Variants in ZNF205 observed in about 807,000 individuals in gnomAD.
ZNF205 encodes the protein zinc finger protein 205.
A neutral mutation model predicts 53.6 loss-of-function variants in ZNF205; 32 were observed. That is an observed-to-expected ratio of 0.60 (90% CI 0.45 to 0.80). ZNF205 has a LOEUF of 0.80. ZNF205 is among the 30% of genes least tolerant of loss of function. The pLI, the probability that ZNF205 is intolerant of heterozygous loss-of-function variation, is 0.00. For synonymous variants in ZNF205, 382 were observed against 334.3 expected, an observed-to-expected ratio of 1.14 and a Z score of -1.56; for missense variants, 836 against 782.4, an observed-to-expected ratio of 1.07 and a Z score of -0.82.
Position 3,113,477 on chromosome 16 carries a change from C to G in ZNF205, c.47C>G (p.Thr16Arg). 2 of 1,613,538 alleles carry G rather than the reference C, an allele frequency of 1.2e-6. No individual in the cohort carries two copies. Among genetic ancestry groups the G allele is most frequent in the African/African-American group, 1.3e-5 (1 of 74,998 alleles). Residue 16 changes from threonine (T) to arginine (R), a missense_variant, in exon 2 of 7, where the codon ACA (threonine) becomes AGA (arginine). Coordinates refer to ENST00000219091, the MANE Select transcript of ZNF205 (RefSeq NM_001042428.2). ...GGIQDTQDKETPPEVPDRGHP... is the reference protein window; with the variant it reads ...GGIQDTQDKERPPEVPDRGHP... ...ATCCAGGACACCCAGGACAAGGAGACACCCCCGGAGGTACAGATGGGGCTG... is the reference window on the plus strand; with the variant it reads ...ATCCAGGACACCCAGGACAAGGAGAGACCCCCGGAGGTACAGATGGGGCTG...
rs1957333382 is a variant in ZNF205 at position 3,115,605 on chromosome 16, A to G, written c.271+37A>G. ...ACGGGGAAGAGGCGCTTTCCCAGGG[A>G]GGCAGCTGTGGGGAGGTGGAGGTTT... On this transcript the variant is annotated intron_variant, in intron 3 of 6. Transcript: ENST00000219091. 1.9e-6 allele frequency: 3 copies of G among 1,547,834 alleles called. No individual in the cohort carries two copies. The African/African-American group carries it at 4.2e-5, about 22-fold the overall frequency.
chr16:3,118,945 C>A lies in ZNF205; in HGVS notation c.525C>A (p.His175Gln), dbSNP rs1342006642. 1 of 1,613,644 alleles carries A rather than the reference C, an allele frequency of 6.2e-7. No individual in the cohort carries two copies. Among genetic ancestry groups the A allele is most frequent in the East Asian group, 2.2e-5 (1 of 44,872 alleles). ...GGCCTTTCTGGGCCCCTCAAGCGCA[C>A]GGCAAGGGTGAGGCCTCGGGCTCCA... ...FSRPFWAPQA[H>Q]GKGEASGSSR... The change falls in exon 6 of 7, where the codon CAC becomes CAA. Residue 175 changes from histidine to glutamine, a missense_variant. Coordinates refer to ENST00000219091, the MANE Select transcript of ZNF205 (RefSeq NM_001042428.2).
At chr16:3,116,065 G>C in intron 4 of ZNF205, 145 bp downstream of exon 4, 2 of 956,590 alleles carry the variant, frequency 2.1e-6, no homozygotes, top group Non-Finnish European at 3.1e-6. Context: ...AATTGTCCAG[G>C]CTCAAGGCCC....
chr16:3,120,426 G>A lies in ZNF205; in HGVS notation c.*101G>A. The A allele has an allele frequency of 2.3e-6, 3 of 1,320,322 alleles. No homozygotes were observed. In the South Asian group the frequency reaches 4.6e-5, roughly 20 times the overall value. The allele number at this position is 1,320,322 out of a possible 1,614,324, so 81.8% of individuals were successfully genotyped here. On this transcript the variant is annotated 3_prime_UTR_variant, in exon 7 of 7. Coordinates refer to ENST00000219091, the MANE Select transcript of ZNF205 (RefSeq NM_001042428.2). ...GAGAGGGGCTCGGGAAGGGAGCTGG[G>A]GCGGTGAGGGCATGGGGTGAGGCAT...
intron 1 of ZNF205, chr16:3,113,085 T>G: frequency 3.7e-6 from 1 of 273,312 alleles, no homozygotes; most frequent in Non-Finnish European, 7.0e-6. Flanking sequence ...TGACAGGAAA[T>G]AGCGATTCCA....
chr16:3,114,807 C>A (rs1005731464), intron 2 of ZNF205: 1 of 152,356 alleles, frequency 6.6e-6, no homozygotes, highest in Non-Finnish European at 1.5e-5. Context: ...CTTCCAACTC[C>A]TTGGGGGCTC....
Position 3,112,692 on chromosome 16 carries a change from G to C in ZNF205, c.-15+10G>C, listed in dbSNP as rs1957283269. 3.4e-6 allele frequency: 1 copy of C among 291,672 alleles called. No homozygotes were observed. The highest frequency in any genetic ancestry group is 3.1e-5 in the South Asian group (1 of 31,802). The allele number at this position is 291,672 out of a possible 1,614,324, so 18.1% of individuals were successfully genotyped here. On this transcript the variant is annotated intron_variant, in intron 1 of 6. Coordinates refer to ENST00000219091, the MANE Select transcript of ZNF205 (RefSeq NM_001042428.2). The stretch of plus-strand genomic sequence containing the variant: ...CTCTGCCTCCACCCCGGTGAGAAGG[G>C]GGTGCTGGGGAGGGCATCTGGATCC...
In ZNF205 at chr16:3,113,425, T is replaced by C. The variant is rs138454772; in HGVS notation, c.-6T>C. On this transcript the variant is annotated 5_prime_UTR_variant, in exon 2 of 7. Coordinates refer to ENST00000219091, the MANE Select transcript of ZNF205 (RefSeq NM_001042428.2). ...TCAGCTGTTCTTTCTAGCTCTGAAA[T>C]AGAAAATGTCTGCAGACGGCGGAGG... 11 of 1,612,840 alleles carry C rather than the reference T, an allele frequency of 6.8e-6. No homozygotes were observed. In the African/African-American group the frequency reaches 1.2e-4, roughly 18 times the overall value.
chr16:3,116,985 G>A (rs1957354333), intron 5 of ZNF205, among the ~76,000 whole-genome samples: 2 of 152,048 alleles, frequency 1.3e-5, no homozygotes, highest in Admixed American at 1.3e-4. Flanking sequence ...TAGTAGAGAT[G>A]GGGTTTCACC....
rs534003901 is a variant in ZNF205 at position 3,113,551 on chromosome 16, AG to A, written c.57+66del. 1.1e-4 allele frequency: 181 copies of A among 1,578,610 alleles called. 1 individual carries two copies. The South Asian group carries it at 1.8e-3, about 16-fold the overall frequency. ...GAGGCTGGTGCGGAGGAGATTTTCAAGGCACAGAGTCTGGACCCCTGGAAGA... is the reference window on the plus strand; with the variant it reads ...GAGGCTGGTGCGGAGGAGATTTTCAAGCACAGAGTCTGGACCCCTGGAAGA... On this transcript the variant is annotated intron_variant, in intron 2 of 6. Transcript: ENST00000219091.
At chr16:3,113,120 C>T (rs553855400) in intron 1 of ZNF205, among the ~76,000 whole-genome samples, 2 of 152,128 alleles carry the variant, frequency 1.3e-5, no homozygotes, top group Non-Finnish European at 2.9e-5. Flanking sequence ...TTCCCTGAGC[C>T]GGTTACACTG....
intron 5 of ZNF205, 79 bp from the exon 6 acceptor site, chr16:3,118,826 C>T (rs1323329374): frequency 5.6e-6 from 8 of 1,441,020 alleles, no homozygotes; most frequent in Non-Finnish European, 7.6e-6. Context: ...TACTTGGGCC[C>T]ATCAGTTTTG....
At chr16:3,115,995 A>AC in intron 4 of ZNF205, 75 bp downstream of exon 4, 1 of 1,473,470 alleles carries the variant, frequency 6.8e-7, no homozygotes, top group Non-Finnish European at 9.3e-7. Flanking sequence ...GAAAGCCAGG[A>AC]CCCCGCTGGC....
In ZNF205 at chr16:3,120,407, G is replaced by A. The variant is rs1172934599; in HGVS notation, c.*82G>A. 1 of 1,405,810 alleles carries A rather than the reference G, an allele frequency of 7.1e-7. No individual in the cohort carries two copies. Among genetic ancestry groups the A allele is most frequent in the Non-Finnish European group, 9.3e-7 (1 of 1,072,204 alleles). 87.1% of individuals were successfully genotyped at this position (1,405,810 alleles called of 1,614,324 possible). ...TCAAGGCTCCGAGGGAGGAGAGAGG[G>A]GCTCGGGAAGGGAGCTGGGGCGGTG... On this transcript the variant is annotated 3_prime_UTR_variant, in exon 7 of 7. Coordinates refer to ENST00000219091, the MANE Select transcript of ZNF205 (RefSeq NM_001042428.2).
At position 3,115,551 on chromosome 16, in the gene ZNF205, T is replaced by A; in HGVS notation, c.254T>A (p.Leu85His). The A allele has an allele frequency of 6.3e-7, 1 of 1,591,872 alleles. No individual in the cohort carries two copies. Among genetic ancestry groups the A allele is most frequent in the Non-Finnish European group, 8.5e-7 (1 of 1,172,570 alleles). The part of the protein sequence containing the change: ...PLSHGSKEKA[L>H]FLPGGALPSP... Reference sequence around the variant, plus strand: ...AGTCACGGCTCTAAGGAGAAAGCTCTCTTCCTGCCTGGCGGAGGTAGGAGA... The same window carrying A: ...AGTCACGGCTCTAAGGAGAAAGCTCACTTCCTGCCTGGCGGAGGTAGGAGA... Residue 85 changes from leucine to histidine, a missense_variant, in exon 3 of 7, where the codon CTC (leucine) becomes CAC (histidine). By Grantham distance (99) the Leu-to-His change is moderately conservative. Transcript: ENST00000219091.
chr16:3,115,286 A>T (rs61251843), intron 2 of ZNF205, 69 bp from the exon 3 acceptor site: 25,931 of 1,251,788 alleles, frequency 0.021, 755 homozygotes, highest in East Asian at 0.15. Context: ...ACGCTGCCGG[A>T]GCGCACTGCC....
intron 6 of ZNF205, 31 bp downstream of exon 6, chr16:3,119,046 G>C: frequency 6.2e-7 from 1 of 1,604,632 alleles, no homozygotes; most frequent in Non-Finnish European, 8.5e-7. Context: ...TTTGTCTGCG[G>C]GAGTGGGGCG....
chr16:3,116,645 C>T, intron 5 of ZNF205, 98 bp downstream of exon 5: 1 of 1,484,166 alleles, frequency 6.7e-7, no homozygotes, highest in Non-Finnish European at 9.1e-7. Flanking sequence ...TCCCACCCTT[C>T]TCCTTGTCCC....
At chr16:3,113,539 A>G (rs1348585141) in intron 2 of ZNF205, 52 bp downstream of exon 2, 1 of 1,595,182 alleles carries the variant, frequency 6.3e-7, no homozygotes, top group Non-Finnish European at 8.5e-7. Flanking sequence ...GCTGGTGCGG[A>G]GGAGATTTTC....
Sources: gnomAD v4.1 joint callset for allele counts (sites outside exome capture counted in the v4.1 genomes callset) on GRCh38, gnomAD v4.1.1 for gene constraint, MANE v1.5 for transcripts, NCBI Gene and HGNC (gene_info 2026-07-23, HGNC 2026-07-21) for gene names.